Variants in DPP10 observed in about 807,000 individuals in gnomAD.
DPP10 encodes the protein inactive dipeptidyl peptidase 10.
DPP10 carries 33 observed loss-of-function variants against 120.9 expected under a neutral mutation model. The observed-to-expected ratio is 0.27, with a 90% CI of 0.21 to 0.37. The LOEUF is 0.37. DPP10 is among the 10% of genes least tolerant of loss of function. DPP10 has a pLI of 1.00. For synonymous variants in DPP10, 337 were observed against 326.1 expected, an observed-to-expected ratio of 1.03 and a Z score of -0.36; for missense variants, 816 against 942.8, an observed-to-expected ratio of 0.87 and a Z score of 1.76.
intron 1 of DPP10, among the ~76,000 whole-genome samples, chr2:114,527,635 A>G (rs1470294303): frequency 6.6e-6 from 1 of 152,168 alleles, no homozygotes; most frequent in African/African-American, 2.4e-5. Flanking sequence ...AGGATCAACA[A>G]TTACAAAGTA....
Position 115,814,867 on chromosome 2 carries a change from A to T in DPP10, c.1775A>T (p.Asp592Val). 6.2e-7 allele frequency: 1 copy of T among 1,610,916 alleles called. No individual in the cohort carries two copies. Among genetic ancestry groups the T allele is most frequent in the Non-Finnish European group, 8.5e-7 (1 of 1,177,758 alleles). ...TGGGATTCCGTACTCATTGACATGGATAATGTCATTGTAGCAAGATTTGAT... is the reference window on the plus strand; with the variant it reads ...TGGGATTCCGTACTCATTGACATGGTTAATGTCATTGTAGCAAGATTTGAT... ...IDWDSVLIDMDNVIVARFDGR... is the reference protein window; with the variant it reads ...IDWDSVLIDMVNVIVARFDGR... Residue 592 changes from aspartate to valine, a missense_variant, in exon 20 of 26, where the codon GAT (aspartate) becomes GTT (valine). Asp to Val is a radical substitution (Grantham distance 152, BLOSUM62 -3). Transcript: ENST00000410059.
chr2:114,519,464 C>T lies in DPP10; in HGVS notation c.60+76626C>T, dbSNP rs1326746939. Among the ~76,000 whole-genome samples the T allele has an allele frequency of 3.9e-5, 6 of 152,314 alleles. No individual in the cohort carries two copies. The South Asian group carries it at 1.2e-3, about 32-fold the overall frequency. ...ATTGATCTAAAAAGGCAATTGGGTT[C>T]CGAGGTCTGAGATACCCAATGATAT... On this transcript the variant is annotated intron_variant, in intron 1 of 25. Coordinates refer to ENST00000410059, the MANE Select transcript of DPP10 (RefSeq NM_020868.6).
At chr2:114,498,995 G>T (rs572209262) in intron 1 of DPP10, among the ~76,000 whole-genome samples, 1 of 152,316 alleles carries the variant, frequency 6.6e-6, no homozygotes, top group Admixed American at 6.5e-5. Context: ...CTATTATCTA[G>T]CACAACATTT....
At chr2:115,239,759 C>G (rs955958874) in intron 1 of DPP10, among the ~76,000 whole-genome samples, 23 of 152,176 alleles carry the variant, frequency 1.5e-4, no homozygotes, top group African/African-American at 3.9e-4. Flanking sequence ...CCTAGCCCCC[C>G]ACCCTCCGAC....
intron 3 of DPP10, among the ~76,000 whole-genome samples, chr2:115,439,754 A>G (rs1006797101): frequency 1.3e-5 from 2 of 152,186 alleles, no homozygotes; most frequent in African/African-American, 4.8e-5. Flanking sequence ...GTATTTATTC[A>G]GATAGCTGTT....
At chr2:114,949,876 AG>A (rs973180940) in intron 1 of DPP10, among the ~76,000 whole-genome samples, 1 of 152,026 alleles carries the variant, frequency 6.6e-6, no homozygotes, top group African/African-American at 2.4e-5. Flanking sequence ...AATCTTTCCA[AG>A]GGTTTTCACA....
chr2:114,834,371 A>T (rs1024436988), intron 1 of DPP10, among the ~76,000 whole-genome samples: 20 of 131,890 alleles, frequency 1.5e-4, no homozygotes, highest in Middle Eastern at 5.3e-3. Flanking sequence ...TATGTATATA[A>T]AAGACATATC....
At chr2:115,643,251 C>T (rs1220539492) in intron 5 of DPP10, among the ~76,000 whole-genome samples, 1 of 152,078 alleles carries the variant, frequency 6.6e-6, no homozygotes, top group African/African-American at 2.4e-5. Context: ...CACTGTAGTT[C>T]AAAGTTATGT....
intron 1 of DPP10, among the ~76,000 whole-genome samples, chr2:114,652,174 TC>T (rs1696639451): frequency 6.6e-6 from 1 of 152,142 alleles, no homozygotes; most frequent in South Asian, 2.1e-4. Flanking sequence ...GGGGGTGGGT[TC>T]CCCTGTGGAG....
At chr2:114,816,438 C>G (rs1250286184) in intron 1 of DPP10, among the ~76,000 whole-genome samples, 1 of 152,154 alleles carries the variant, frequency 6.6e-6, no homozygotes, top group South Asian at 2.1e-4. Context: ...CCATGGGCCA[C>G]CATCGTTTGC....
intron 3 of DPP10, among the ~76,000 whole-genome samples, chr2:115,432,832 C>T (rs778447635): frequency 1.3e-4 from 20 of 151,874 alleles, no homozygotes; most frequent in Non-Finnish European, 1.9e-4. Flanking sequence ...TGCTGCTGAA[C>T]GTCTTCTATG....
chr2:115,058,446 C>G (rs1372450513), intron 1 of DPP10, among the ~76,000 whole-genome samples: 3 of 152,174 alleles, frequency 2.0e-5, no homozygotes, highest in East Asian at 3.9e-4. Context: ...GTCTCCCAAA[C>G]TAGACTGCAG....
intron 1 of DPP10, among the ~76,000 whole-genome samples, chr2:114,847,541 G>A (rs1476788504): frequency 1.3e-5 from 2 of 152,104 alleles, no homozygotes; most frequent in East Asian, 1.9e-4. Flanking sequence ...CACATTAGAG[G>A]TAGTGAATAA....
intron 4 of DPP10, among the ~76,000 whole-genome samples, chr2:115,517,849 T>C (rs1319330135): frequency 1.3e-5 from 2 of 152,230 alleles, no homozygotes; most frequent in Admixed American, 1.3e-4. Context: ...TCATTTTGTA[T>C]TGCTGTAAAG....
At chr2:114,521,804 G>GTTTTTT (rs758908081) in intron 1 of DPP10, among the ~76,000 whole-genome samples, 5 of 112,736 alleles carry the variant, frequency 4.4e-5, no homozygotes, top group African/African-American at 1.0e-4. Flanking sequence ...ATTATCCAAG[G>GTTTTTT]TTTTTTTTTT....
At chr2:114,480,733 G>A (rs1680956266) in intron 1 of DPP10, among the ~76,000 whole-genome samples, 2 of 151,196 alleles carry the variant, frequency 1.3e-5, no homozygotes, top group South Asian at 2.1e-4. Context: ...GGGAGGGATA[G>A]CATTGGGAGA....
intron 11 of DPP10, among the ~76,000 whole-genome samples, chr2:115,757,846 C>T (rs1429719424): frequency 6.6e-6 from 1 of 152,016 alleles, no homozygotes; most frequent in African/African-American, 2.4e-5. Flanking sequence ...TGACAATATT[C>T]AAAACCAATT....
At chr2:115,585,143 A>G (rs1253746448) in intron 5 of DPP10, among the ~76,000 whole-genome samples, 3 of 152,196 alleles carry the variant, frequency 2.0e-5, no homozygotes, top group Non-Finnish European at 4.4e-5. Flanking sequence ...ACTGATTTTC[A>G]GGCTATGAGG....
chr2:114,739,212 A>G (rs1465934130), intron 1 of DPP10, among the ~76,000 whole-genome samples: 1 of 152,118 alleles, frequency 6.6e-6, no homozygotes, highest in Non-Finnish European at 1.5e-5. Flanking sequence ...TCTTTGAGAG[A>G]TTTACGTGCA....
Sources: allele counts gnomAD v4.1 joint callset (sites outside exome capture counted in the v4.1 genomes callset), GRCh38; gene constraint gnomAD v4.1.1; transcripts MANE v1.5; gene names NCBI Gene and HGNC (gene_info 2026-07-23, HGNC 2026-07-21).